Variants in EXD3 observed in about 807,000 individuals in gnomAD.
EXD3 encodes exonuclease 3'-5' domain containing 3, also known as exonuclease mut-7 homolog.
Under a neutral mutation model 98.0 loss-of-function variants are expected in EXD3, and 92 were observed. The observed-to-expected ratio is 0.94, with a 90% confidence interval of 0.79 to 1.12. The LOEUF (loss-of-function observed/expected upper bound fraction) is 1.12, where lower values mean the gene tolerates loss of function less well. Ranked by LOEUF, EXD3 falls within the 50% of genes most tolerant of loss-of-function variation. The pLI, the probability that EXD3 is intolerant of heterozygous loss-of-function variation, is 0.00. For synonymous variants in EXD3, 569 were observed against 526.0 expected (o/e 1.08, Z -1.12); for missense variants, 1,222 against 1,191.6 (o/e 1.03, Z -0.38).
intron 4 of EXD3, 53 bp from the exon 5 acceptor site, chr9:137,373,125 A>G (rs1373223295): frequency 1.3e-6 from 2 of 1,505,872 alleles, no homozygotes; most frequent in Non-Finnish European, 1.8e-6. Context: ...TGGCTGGGCC[A>G]TGGGGCCGAT....
At chr9:137,401,310 C>G (rs1837472846) in intron 1 of EXD3, among the ~76,000 whole-genome samples, 1 of 152,122 alleles carries the variant, frequency 6.6e-6, no homozygotes, top group Admixed American at 6.5e-5. Flanking sequence ...CCCGCCACCA[C>G]ACCCGACTAA....
chr9:137,386,717 G>A (rs574306897), intron 2 of EXD3, among the ~76,000 whole-genome samples: 1 of 152,160 alleles, frequency 6.6e-6, no homozygotes, highest in Non-Finnish European at 1.5e-5. Flanking sequence ...TGGGCCTGAG[G>A]CTGCTTCTCG....
intron 3 of EXD3, among the ~76,000 whole-genome samples, chr9:137,380,173 A>C (rs367646548): frequency 2.4e-4 from 34 of 144,270 alleles, no homozygotes; most frequent in African/African-American, 5.3e-4. Context: ...CGTCCCACCC[A>C]CCCTGCCGGT....
At position 137,348,032 on chromosome 9, in the gene EXD3, C is replaced by G. The variant is rs745772775; in HGVS notation, c.1998+39G>C. The stretch of plus-strand genomic sequence containing the variant: ...GGCACACCTGTGCTAGGGGCAGCTG[C>G]ACCTTGGGAGGACCCCAAGACCCTC... On this transcript the variant is annotated intron_variant, in intron 17 of 21. Transcript: ENST00000340951. The G allele has an allele frequency of 1.1e-4, 174 of 1,587,658 alleles. 1 individual carries two copies. The highest frequency in any genetic ancestry group is 1.4e-4 in the Non-Finnish European group (165 of 1,169,448).
rs769193194 is a variant in EXD3, at chr9:137,349,567, GC to G, written c.1495-37del. The G allele has an allele frequency of 1.3e-6, 2 of 1,510,770 alleles. No homozygotes were observed. Among genetic ancestry groups the G allele is most frequent in the Admixed American group, 2.1e-5 (1 of 48,522 alleles). The allele number at this position is 1,510,770 out of a possible 1,614,324, so 93.6% of individuals were successfully genotyped here. On this transcript the variant is annotated intron_variant, in intron 14 of 21. Coordinates refer to ENST00000340951, the MANE Select transcript of EXD3 (RefSeq NM_017820.5). This position sits in a 1 kb window ranked among gnomAD's most constrained non-coding sequence, Gnocchi z 7.4. ...AGTGCCCTGCAGGGTAACGCGTCTG[GC>G]CCTGGCGGCAGCACAGTCACCGTGC...
chr9:137,330,237 ACACAGGAGCTACACAGGGCTC>A lies in EXD3; in HGVS notation c.1999-6115_1999-6095del, dbSNP rs1415173438. On this transcript the variant is annotated intron_variant, in intron 17 of 21. Coordinates refer to ENST00000340951, the MANE Select transcript of EXD3 (RefSeq NM_017820.5). ...AGCTACACAGGAACTACACAGGACTACACAGGAGCTACACAGGGCTCCACAGGAGCTACACAGGAACTACAC... is the reference window on the plus strand; with the variant it reads ...AGCTACACAGGAACTACACAGGACTACACAGGAGCTACACAGGAACTACAC... Among the ~76,000 whole-genome samples, 81 of 144,730 alleles carry A rather than the reference ACACAGGAGCTACACAGGGCTC, an allele frequency of 5.6e-4. 2 individuals are homozygous for A. The highest frequency in any genetic ancestry group is 2.9e-3 in the East Asian group (13 of 4,476). 94.9% of individuals were successfully genotyped at this position (144,730 alleles called of 152,430 possible). A position where few individuals can be genotyped will look rare whatever the true frequency, so the allele number is the denominator to read the frequency against.
In EXD3 at chr9:137,351,522, G is replaced by A. The variant is rs144883989; in HGVS notation, c.1180C>T (p.Gln394Ter). The A allele has an allele frequency of 3.3e-5, 53 of 1,586,940 alleles. No individual in the cohort carries two copies. The East Asian group carries it at 1.2e-3, about 36-fold the overall frequency. ...RHEGALLQCH[Q>*]VVGVDVEWTP... is the part of the protein sequence containing the mutation. ...CACTCCACGTCTACACCAACCACTT[G>A]GTGGCACTGCGGGCAGAGAGGGGCA... is the stretch of plus-strand genomic sequence containing the variant. The change falls in exon 13 of 22, where the codon CAA becomes TAA. Residue 394 changes from glutamine to a stop codon, truncating the protein, a stop_gained. Transcript: ENST00000340951. LOFTEE classifies it high-confidence loss of function.
At chr9:137,367,749 G>A in intron 6 of EXD3, 187 bp downstream of exon 6, 1 of 583,698 alleles carries the variant, frequency 1.7e-6, no homozygotes, top group Non-Finnish European at 3.1e-6. Flanking sequence ...GGCTGCGTCT[G>A]ATTTGGGGTC....
At chr9:137,343,394 C>A (rs755064769) in intron 17 of EXD3, 2 of 151,168 alleles carry the variant, frequency 1.3e-5, no homozygotes, top group Admixed American at 6.6e-5. Flanking sequence ...TCTTTCCCAC[C>A]TTCTCCAGCA....
chr9:137,312,075 G>A (rs977257071), intron 19 of EXD3, among the ~76,000 whole-genome samples: 3 of 152,180 alleles, frequency 2.0e-5, no homozygotes, highest in Non-Finnish European at 2.9e-5. Flanking sequence ...GGGTTCTCAC[G>A]CCGCCTCCTT....
intron 3 of EXD3, chr9:137,374,724 C>T (rs970091521): frequency 4.1e-6 from 4 of 985,464 alleles, no homozygotes; most frequent in African/African-American, 1.7e-5. Context: ...GGGAAAGTGG[C>T]CAGACAGGGT....
chr9:137,355,668 A>AAGGAGG (rs1834707095), intron 8 of EXD3, among the ~76,000 whole-genome samples: 3 of 8,058 alleles, frequency 3.7e-4, no homozygotes, highest in Admixed American at 1.4e-3. Flanking sequence ...GAGGAAGGAG[A>AAGGAGG]AAGGGAGGAT....
chr9:137,368,171 C>A lies in EXD3; in HGVS notation c.463-182G>T, dbSNP rs148488299. On this transcript the variant is annotated intron_variant, in intron 5 of 21. Coordinates refer to ENST00000340951, the MANE Select transcript of EXD3 (RefSeq NM_017820.5). ...GCCTGGCCTGGCAGACAAGCCCCCC[C>A]GTGCTGAGCCAGGCCTTGCATAGGC... is the stretch of plus-strand genomic sequence containing the variant. 3.3e-5 allele frequency among the ~76,000 whole-genome samples: 5 copies of A among 152,314 alleles called. No individual in the cohort carries two copies. The East Asian group carries it at 9.7e-4, about 29-fold the overall frequency.
chr9:137,355,675 GGAT>G (rs1322197039), intron 8 of EXD3, among the ~76,000 whole-genome samples: 1 of 104,814 alleles, frequency 9.5e-6, no homozygotes, highest in East Asian at 3.0e-4. Flanking sequence ...GAGAAAGGGA[GGAT>G]GGAGGAAGGA....
At chr9:137,330,321 G>A (rs1832967129) in intron 17 of EXD3, among the ~76,000 whole-genome samples, 2 of 122,852 alleles carry the variant, frequency 1.6e-5, no homozygotes, top group Non-Finnish European at 3.3e-5. Context: ...CTACACCGGA[G>A]CTACACGGGA....
At chr9:137,388,448 T>C (rs1331248413) in intron 2 of EXD3, among the ~76,000 whole-genome samples, 1 of 152,080 alleles carries the variant, frequency 6.6e-6, no homozygotes, top group African/African-American at 2.4e-5. Flanking sequence ...GCCTTCACCT[T>C]GAGACACAGA....
chr9:137,313,234 G>A (rs1415720410), intron 19 of EXD3, among the ~76,000 whole-genome samples: 1 of 152,190 alleles, frequency 6.6e-6, no homozygotes. Context: ...TAGGGCAGCA[G>A]GCAGTGGCCT....
intron 2 of EXD3, among the ~76,000 whole-genome samples, chr9:137,389,513 G>A (rs1364311194): frequency 1.4e-5 from 2 of 146,658 alleles, no homozygotes; most frequent in African/African-American, 2.4e-5. Flanking sequence ...AGCGGGATGA[G>A]GGGGAGAGCC....
intron 2 of EXD3, 59 bp from the exon 3 acceptor site, chr9:137,383,436 G>T: frequency 7.5e-7 from 1 of 1,338,298 alleles, no homozygotes; most frequent in Non-Finnish European, 1.0e-6. Flanking sequence ...CTATCGCACA[G>T]CCCGCCGGGA....
Sources: gnomAD v4.1 joint callset for allele counts (sites outside exome capture counted in the v4.1 genomes callset) on GRCh38, gnomAD v4.1.1 for gene constraint, Gnocchi (gnomAD v3.1) non-coding constraint, MANE v1.5 for transcripts, NCBI Gene and HGNC (gene_info 2026-07-23, HGNC 2026-07-21) for gene names.